Variants in IL19 observed in about 807,000 individuals in gnomAD.
The protein encoded by IL19 is interleukin 19.
IL19 carries 15 observed loss-of-function variants against 19.5 expected under a neutral mutation model. That is an observed-to-expected ratio of 0.77 (90% CI 0.52 to 1.19). The LOEUF (loss-of-function observed/expected upper bound fraction) is 1.19. IL19 is among the 50% of genes most tolerant of loss of function. IL19 has a pLI of 0.00. For synonymous variants in IL19, 78 were observed against 78.3 expected, an observed-to-expected ratio of 1.00 and a Z score of 0.02; for missense variants, 199 against 213.1, an observed-to-expected ratio of 0.93 and a Z score of 0.41.
chr1:206,830,633 C>T (rs1318390264), intron 2 of IL19, among the ~76,000 whole-genome samples: 1 of 152,064 alleles, frequency 6.6e-6, no homozygotes, highest in South Asian at 2.1e-4. Flanking sequence ...GGCTGGAGTG[C>T]AGTGGTGCGG....
intron 1 of IL19, among the ~76,000 whole-genome samples, chr1:206,783,898 G>A (rs1675205426): frequency 6.6e-6 from 1 of 152,218 alleles, no homozygotes; most frequent in South Asian, 2.1e-4. Flanking sequence ...AGGGCGGAAT[G>A]AGTGACTGTA....
intron 2 of IL19, among the ~76,000 whole-genome samples, chr1:206,813,163 A>G (rs1344211509): frequency 6.6e-6 from 1 of 152,188 alleles, no homozygotes; most frequent in Non-Finnish European, 1.5e-5. Context: ...CCAACCTTCT[A>G]TAGTCTGCTT....
In IL19 at chr1:206,833,614, T is replaced by C. The variant is rs1048919600; in HGVS notation, c.-2-3047T>C. ...AGAGAACTTCTTGGTAAAGAGTTTA[T>C]GTAAAAAGGTAATTTAGTTAGAGAG... On this transcript the variant is annotated intron_variant, in intron 2 of 6. Coordinates refer to ENST00000659997, the MANE Select transcript of IL19 (RefSeq NM_153758.5). The C allele has an allele frequency of 1.0e-5, 10 of 958,728 alleles. No individual in the cohort carries two copies. The Admixed American group carries it at 3.1e-4, about 29-fold the overall frequency. The allele number at this position is 958,728 out of a possible 1,614,324, so 59.4% of individuals were successfully genotyped here.
intron 2 of IL19, chr1:206,834,423 T>G: frequency 1.0e-6 from 1 of 985,616 alleles, no homozygotes; most frequent in Non-Finnish European, 1.2e-6. Flanking sequence ...CTGTCCGTCA[T>G]CAGGGGCTCC....
chr1:206,774,587 C>T (rs1433064245), intron 1 of IL19, among the ~76,000 whole-genome samples: 1 of 152,178 alleles, frequency 6.6e-6, no homozygotes, highest in Non-Finnish European at 1.5e-5. Context: ...GTGAACCCCT[C>T]CTTCCTTTGT....
At chr1:206,831,642 T>A (rs1357118294) in intron 2 of IL19, among the ~76,000 whole-genome samples, 1 of 152,228 alleles carries the variant, frequency 6.6e-6, no homozygotes, top group Non-Finnish European at 1.5e-5. Context: ...TGAGGAATTA[T>A]GTGTAATCAC....
chr1:206,805,834 T>C (rs916252309), intron 2 of IL19, among the ~76,000 whole-genome samples: 20 of 152,246 alleles, frequency 1.3e-4, no homozygotes, highest in African/African-American at 4.8e-4. Context: ...GCTTACTGTA[T>C]TCATCAGGAG....
rs1676432594 is a variant in IL19, at chr1:206,826,333, C to A, written c.-2-10328C>A. On this transcript the variant is annotated intron_variant, in intron 2 of 6. Transcript: ENST00000659997. The stretch of plus-strand genomic sequence containing the variant: ...AGGACATGGTGGAGATTTAGACAAC[C>A]CAGGGCAGAAAATCCTCTAGGAAAG... Among the ~76,000 whole-genome samples, 4 of 152,112 alleles carry A rather than the reference C, an allele frequency of 2.6e-5. 1 individual carries two copies. Among genetic ancestry groups the A allele is most frequent in the Admixed American group, 2.6e-4 (4 of 15,276 alleles).
intron 1 of IL19, among the ~76,000 whole-genome samples, chr1:206,796,146 G>A (rs1388191267): frequency 6.6e-6 from 1 of 152,054 alleles, no homozygotes; most frequent in Non-Finnish European, 1.5e-5. Flanking sequence ...TCCCAGGCAG[G>A]AGAAGATGGA....
Position 206,772,588 on chromosome 1 carries a change from AT to A in IL19, c.-149+1516del, listed in dbSNP as rs148587843. 2.5e-4 allele frequency: 180 copies of A among 720,314 alleles called. 1 individual carries two copies. The East Asian group carries it at 4.7e-3, about 19-fold the overall frequency. The allele number at this position is 720,314 out of a possible 1,614,324, so 44.6% of individuals were successfully genotyped here. On this transcript the variant is annotated intron_variant, in intron 1 of 6. Coordinates refer to ENST00000659997, the MANE Select transcript of IL19 (RefSeq NM_153758.5). Reference sequence around the variant, plus strand: ...CACAATCAAGGTTTCCCGGCACAGGATTTTTTCTGCTTAGAGCTCCTCCTTC... The same window carrying A: ...CACAATCAAGGTTTCCCGGCACAGGATTTTTCTGCTTAGAGCTCCTCCTTC...
chr1:206,821,419 G>C (rs551092353), intron 2 of IL19, among the ~76,000 whole-genome samples: 3 of 152,196 alleles, frequency 2.0e-5, no homozygotes, highest in African/African-American at 4.8e-5. Context: ...TCATTGTTAC[G>C]ATGCTTGCGG....
At chr1:206,827,622 C>T (rs1005197570) in intron 2 of IL19, among the ~76,000 whole-genome samples, 1 of 151,066 alleles carries the variant, frequency 6.6e-6, no homozygotes, top group Non-Finnish European at 1.5e-5. Flanking sequence ...CCCCGGGGGG[C>T]GGAGCCTGCA....
At chr1:206,840,288 T>C (rs547160839) in intron 5 of IL19, 28 of 565,648 alleles carry the variant, frequency 5.0e-5, no homozygotes, top group Non-Finnish European at 6.0e-5. Context: ...AGGACTCCAG[T>C]TCTACTGTAA....
chr1:206,802,157 G>A (rs1675728325), intron 2 of IL19, among the ~76,000 whole-genome samples: 1 of 152,150 alleles, frequency 6.6e-6, no homozygotes, highest in Non-Finnish European at 1.5e-5. Context: ...CCATAGAGAA[G>A]GGAACAGAGG....
At chr1:206,789,157 T>A (rs1675335240) in intron 1 of IL19, among the ~76,000 whole-genome samples, 1 of 152,244 alleles carries the variant, frequency 6.6e-6, no homozygotes, top group African/African-American at 2.4e-5. Context: ...GATTTGATGA[T>A]CTGAAGTCCT....
chr1:206,778,913 T>C (rs754817192), intron 1 of IL19, among the ~76,000 whole-genome samples: 3 of 152,242 alleles, frequency 2.0e-5, no homozygotes, highest in African/African-American at 7.2e-5. Context: ...ATTTCCATCA[T>C]CACCAGCAAT....
intron 1 of IL19, chr1:206,772,324 G>T: frequency 6.2e-7 from 1 of 1,614,180 alleles, no homozygotes; most frequent in African/African-American, 1.3e-5. Context: ...AGCATGTTAG[G>T]CAGGTTGCCT....
At chr1:206,777,347 C>T (rs527271516) in intron 1 of IL19, among the ~76,000 whole-genome samples, 14 of 143,378 alleles carry the variant, frequency 9.8e-5, no homozygotes, top group African/African-American at 3.5e-4. Flanking sequence ...GCGGAGGTTG[C>T]AGTGAGCCGA....
intron 2 of IL19, among the ~76,000 whole-genome samples, chr1:206,808,736 ATG>A (rs1311641289): frequency 6.6e-6 from 1 of 152,140 alleles, no homozygotes. Flanking sequence ...GCTTGTTGCT[ATG>A]TATGTGTGCC....
Sources: gnomAD v4.1 joint callset for allele counts (sites outside exome capture counted in the v4.1 genomes callset) on GRCh38, gnomAD v4.1.1 for gene constraint, MANE v1.5 for transcripts, NCBI Gene and HGNC (gene_info 2026-07-23, HGNC 2026-07-21) for gene names.